PLCH2: variants seen among roughly 807,000 people sequenced by gnomAD.
The protein encoded by PLCH2 is phospholipase C eta 2.
A neutral mutation model predicts 134.7 loss-of-function variants in PLCH2; 98 were observed. That is an observed-to-expected ratio of 0.73 (90% CI 0.62 to 0.86). The LOEUF (loss-of-function observed/expected upper bound fraction) is 0.86. Ranked by LOEUF, PLCH2 falls within the 40% of genes least tolerant of loss-of-function variation. PLCH2 has a pLI of 0.00. For missense variants in PLCH2, 1,994 were observed against 1,986.6 expected, an observed-to-expected ratio of 1.00 and a Z score of -0.07; for synonymous variants, 974 against 827.5, an observed-to-expected ratio of 1.18 and a Z score of -3.04.
At position 2,504,178 on chromosome 1, in the gene PLCH2, C is replaced by G. The variant is rs754032530; in HGVS notation, c.3216C>G (p.Pro1072=). 2 of 1,538,006 alleles carry G rather than the reference C, an allele frequency of 1.3e-6. No homozygotes were observed. The highest frequency in any genetic ancestry group is 2.4e-5 in the South Asian group (2 of 83,456). Residue 1072 remains proline (P), a synonymous_variant, in exon 22 of 22, where the codon CCC becomes CCG. Transcript: ENST00000378486. ...CCGGCGGGGCATACGAGAGGGCCCC[C>G]GGCAGCCAGACGGACGGCAGGAGCC... ...EGAGGAYERA[P]GSQTDGRSQP... is the part of the protein sequence containing the mutation.
intron 20 of PLCH2, chr1:2,499,958 G>A (rs1476982158): frequency 3.4e-6 from 2 of 595,608 alleles, no homozygotes. Flanking sequence ...GGCAGGACAG[G>A]TCCTGAGTGC....
chr1:2,453,286 G>A (rs766904636), intron 2 of PLCH2, among the ~76,000 whole-genome samples: 1 of 152,246 alleles, frequency 6.6e-6, no homozygotes, highest in Non-Finnish European at 1.5e-5. Context: ...TTCCCCGTGT[G>A]GTGCTGCTTG....
the PLCH2 span, among the ~76,000 whole-genome samples, chr1:2,418,013 G>C: frequency 6.6e-6 from 1 of 152,188 alleles, no homozygotes; most frequent in Non-Finnish European, 1.5e-5. Context: ...GTGAGAAGAG[G>C]CTGAGCCCAG....
At chr1:2,503,591 T>C (rs1414552044) in intron 21 of PLCH2, 2 of 690,200 alleles carry the variant, frequency 2.9e-6, no homozygotes, top group African/African-American at 1.8e-5. Flanking sequence ...CTTTCCTTTC[T>C]GCCCCCACCC....
At position 2,480,282 on chromosome 1, in the gene PLCH2, G is replaced by C; in HGVS notation, c.615G>C (p.Leu205=). The part of the protein sequence containing the change: ...LQLLHKLNVN[L]PRQRVKQMFR... ...TGCTGCACAAGCTCAACGTGAACCT[G>C]CCCCGGCAGAGGGTGAAGCAGATGT... The change falls in exon 4 of 22, where the codon CTG becomes CTC. Residue 205 remains leucine (L), a synonymous_variant. Transcript: ENST00000378486. The C allele has an allele frequency of 6.2e-7, 1 of 1,612,664 alleles. No individual in the cohort carries two copies. The highest frequency in any genetic ancestry group is 8.5e-7 in the Non-Finnish European group (1 of 1,179,790).
In PLCH2 at chr1:2,498,477, C is replaced by T. The variant is rs1330748579; in HGVS notation, c.2225-46C>T. The T allele has an allele frequency of 6.3e-7, 1 of 1,582,618 alleles. No individual in the cohort carries two copies. The highest frequency in any genetic ancestry group is 8.6e-7 in the Non-Finnish European group (1 of 1,162,922). ...CAGCCATGCCCCAGCAAGCAGGGGGCTTGCTGAGGGCTGGGCCACTGACCA... is the reference window on the plus strand; with the variant it reads ...CAGCCATGCCCCAGCAAGCAGGGGGTTTGCTGAGGGCTGGGCCACTGACCA... On this transcript the variant is annotated intron_variant, in intron 16 of 21. Transcript: ENST00000378486. The surrounding 1 kb of genome is among the most constrained non-coding windows in gnomAD (Gnocchi z 5.4).
Position 2,499,641 on chromosome 1 carries a change from G to A in PLCH2, c.2582G>A (p.Gly861Asp). 1.3e-6 allele frequency: 2 copies of A among 1,598,432 alleles called. No individual in the cohort carries two copies. Among genetic ancestry groups the A allele is most frequent in the Non-Finnish European group, 1.7e-6 (2 of 1,172,906 alleles). Residue 861 changes from glycine to aspartate, a missense_variant and splice_region_variant, in exon 20 of 22, where the codon GGC becomes GAC. Coordinates refer to ENST00000378486, the MANE Select transcript of PLCH2 (RefSeq NM_014638.4). ...ACCCTGCTGACCCACACTGCTCCAG[G>A]CTACAGACACGTGTACCTAGAAGGG... ...RTLAFSSMMP[G>D]YRHVYLEGME...
At chr1:2,427,903 C>A (rs551888006) in intron 1 of PLCH2, among the ~76,000 whole-genome samples, 1 of 152,030 alleles carries the variant, frequency 6.6e-6, no homozygotes, top group Admixed American at 6.5e-5. Context: ...GAGCAGTGGG[C>A]GGGCAGGCTG....
chr1:2,453,065 C>T (rs1640320297), intron 2 of PLCH2, among the ~76,000 whole-genome samples: 2 of 152,158 alleles, frequency 1.3e-5, no homozygotes, highest in Admixed American at 1.3e-4. Flanking sequence ...CGGGGCGCCC[C>T]CTCAGTGCTC....
chr1:2,465,232 AG>A (rs1446636483), upstream of PLCH2, among the ~76,000 whole-genome samples: 2 of 152,162 alleles, frequency 1.3e-5, no homozygotes, highest in Non-Finnish European at 2.9e-5. Flanking sequence ...AGATCCAGCC[AG>A]GGCTCACAGC....
chr1:2,424,124 G>T (rs10797422), upstream of PLCH2, among the ~76,000 whole-genome samples: 25,571 of 152,084 alleles, frequency 0.17, 2,299 homozygotes, highest in East Asian at 0.34. Flanking sequence ...GGTAGATAGT[G>T]ATGTTATGAT....
chr1:2,424,725 T>A (rs147779952), upstream of PLCH2, among the ~76,000 whole-genome samples: 247 of 152,090 alleles, frequency 1.6e-3, 1 homozygote, highest in Middle Eastern at 3.4e-3. Flanking sequence ...CGGTGGCTCA[T>A]GCCTGTAATC....
At position 2,505,379 on chromosome 1, in the gene PLCH2, G is replaced by C; in HGVS notation, c.*166G>C. ...CTGCCCCTGCTCCCGGGGAGGAAAG[G>C]CTAAAGCTGCTGGCCCGGGGCCCAC... is the stretch of plus-strand genomic sequence containing the variant. On this transcript the variant is annotated 3_prime_UTR_variant, in exon 22 of 22. Coordinates refer to ENST00000378486, the MANE Select transcript of PLCH2 (RefSeq NM_014638.4). The C allele has an allele frequency of 1.7e-6, 1 of 601,580 alleles. No homozygotes were observed. The highest frequency in any genetic ancestry group is 3.3e-5 in the Admixed American group (1 of 29,906). The allele number at this position is 601,580 out of a possible 1,614,324, so 37.3% of individuals were successfully genotyped here. A position where few individuals can be genotyped will look rare whatever the true frequency, so the allele number is the denominator to read the frequency against.
chr1:2,455,801 AC>A (rs955813315), intron 2 of PLCH2, among the ~76,000 whole-genome samples: 1 of 149,878 alleles, frequency 6.7e-6, no homozygotes, highest in Non-Finnish European at 1.5e-5. Context: ...CGGGCCCTCC[AC>A]CCCCCTGCAG....
chr1:2,488,569 C>T (rs891207344), intron 8 of PLCH2, among the ~76,000 whole-genome samples: 5 of 152,268 alleles, frequency 3.3e-5, no homozygotes, highest in African/African-American at 1.2e-4. Flanking sequence ...CTCTGGGTCA[C>T]TTACATTTTC....
intron 1 of PLCH2, among the ~76,000 whole-genome samples, chr1:2,428,332 C>T (rs1638897686): frequency 1.3e-5 from 2 of 152,212 alleles, no homozygotes; most frequent in Non-Finnish European, 2.9e-5. Context: ...ACAAGACCAG[C>T]CAGTGCTCCT....
rs1446085243 is a variant in PLCH2 at position 2,495,512 on chromosome 1, G to A, written c.1777G>A (p.Ala593Thr). 5 of 1,552,156 alleles carry A rather than the reference G, an allele frequency of 3.2e-6. No individual in the cohort carries two copies. The highest frequency in any genetic ancestry group is 3.9e-5 in the Admixed American group (2 of 51,102). ...GAAGAAGGGCAGCAAGCTGAAGAAG[G>A]CGGCCAGCGTGGAGGAGGGAGATGA... ...RKKKGSKLKKAASVEEGDEGQ... is the reference protein window; with the variant it reads ...RKKKGSKLKKTASVEEGDEGQ... Residue 593 changes from alanine to threonine, a missense_variant, in exon 13 of 22, where the codon GCG becomes ACG. By Grantham distance (58) the Ala-to-Thr change is moderately conservative (BLOSUM62 0). This residue lies in a region of PLCH2 where 1,094 missense variants were observed against 1,234.3 expected (regional missense o/e 0.89). Transcript: ENST00000378486.
intron 2 of PLCH2, among the ~76,000 whole-genome samples, chr1:2,450,635 C>A (rs1451415888): frequency 1.3e-5 from 1 of 78,170 alleles, no homozygotes; most frequent in East Asian, 5.0e-4. Context: ...CCAACTCCCC[C>A]CCTGCCCCCC....
In PLCH2 at chr1:2,503,703, G is replaced by A. The variant is rs571153690; in HGVS notation, c.2960-219G>A. The A allele has an allele frequency of 2.7e-4, 173 of 641,268 alleles. 1 individual carries two copies. Among genetic ancestry groups the A allele is most frequent in the East Asian group, 2.2e-3 (80 of 36,508 alleles). 39.7% of individuals were successfully genotyped at this position (641,268 alleles called of 1,614,324 possible). A position where few individuals can be genotyped will look rare whatever the true frequency, so the allele number is the denominator to read the frequency against. On this transcript the variant is annotated intron_variant, in intron 21 of 21. Transcript: ENST00000378486. ...CCAGCCCAAGGAGGGCCCCGTGTGC[G>A]GCACAGGGCGTGGACTGGGCCCCAG...
Sources: allele counts gnomAD v4.1 joint callset (sites outside exome capture counted in the v4.1 genomes callset), GRCh38; gene constraint gnomAD v4.1.1; regional missense constraint gnomAD v4.1.1; non-coding constraint Gnocchi (gnomAD v3.1); transcripts MANE v1.5; gene names NCBI Gene and HGNC (gene_info 2026-07-23, HGNC 2026-07-21).